Variants in CMTR1 observed in about 807,000 individuals in gnomAD.
CMTR1 encodes the protein cap-specific mRNA (nucleoside-2'-O-)-methyltransferase 1.
In CMTR1, 39 loss-of-function variants were observed where a neutral mutation model predicts 107.0. That is an observed-to-expected ratio of 0.36 (90% CI 0.28 to 0.48). CMTR1 has a LOEUF of 0.48. Ranked by LOEUF, CMTR1 falls within the 20% of genes least tolerant of loss-of-function variation. CMTR1 has a pLI of 0.99. For missense variants in CMTR1, 672 were observed against 1,064.9 expected (o/e 0.63, Z 5.14); for synonymous variants, 366 against 379.5 (o/e 0.96, Z 0.41).
At chr6:37,449,495 G>A (rs1448334082) in intron 4 of CMTR1, among the ~76,000 whole-genome samples, 1 of 152,068 alleles carries the variant, frequency 6.6e-6, no homozygotes, top group African/African-American at 2.4e-5. Flanking sequence ...TTTTAGTAGA[G>A]ACGGGGTTTC....
intron 2 of CMTR1, among the ~76,000 whole-genome samples, chr6:37,437,214 ATTT>A (rs34814443): frequency 7.1e-6 from 1 of 139,870 alleles, no homozygotes; most frequent in Non-Finnish European, 1.6e-5. Context: ...TTTTTGGGGG[ATTT>A]TTTTTTTTTT....
At chr6:37,476,658 C>T (rs1761744118) in intron 20 of CMTR1, among the ~76,000 whole-genome samples, 1 of 151,984 alleles carries the variant, frequency 6.6e-6, no homozygotes, top group East Asian at 1.9e-4. Flanking sequence ...TGGGAAAGTT[C>T]CAGGACCCTG....
rs1159924846 is a variant in CMTR1, at chr6:37,439,490, A to G, written c.133+3728A>G. 2.0e-5 allele frequency among the ~76,000 whole-genome samples: 3 copies of G among 152,186 alleles called. No individual in the cohort carries two copies. In the East Asian group the frequency reaches 5.8e-4, roughly 29 times the overall value. On this transcript the variant is annotated intron_variant, in intron 2 of 23. Coordinates refer to ENST00000373451, the MANE Select transcript of CMTR1 (RefSeq NM_015050.3). ...CATTAAAGGCGCCTTCCTCTCCACC[A>G]GGTTTAATTCTTTCCTAAATAGGCT...
chr6:37,439,822 C>CT (rs1771627288), intron 2 of CMTR1, among the ~76,000 whole-genome samples: 1 of 152,120 alleles, frequency 6.6e-6, no homozygotes, highest in Non-Finnish European at 1.5e-5. Context: ...TATTCTTTTT[C>CT]TTTTTTTAGT....
the CMTR1 span, among the ~76,000 whole-genome samples, chr6:37,428,030 G>C: frequency 3.5e-5 from 5 of 144,830 alleles, no homozygotes; most frequent in South Asian, 2.1e-4. Flanking sequence ...GAGAGAGAGA[G>C]AGAGAGAGAG....
chr6:37,442,523 A>G (rs1771696632), intron 2 of CMTR1, among the ~76,000 whole-genome samples: 2 of 152,230 alleles, frequency 1.3e-5, no homozygotes, highest in Non-Finnish European at 2.9e-5. Flanking sequence ...ACAGACTGTG[A>G]CATAGTTCCT....
intron 22 of CMTR1, 82 bp from the exon 23 acceptor site, chr6:37,479,065 C>T (rs1031824626): frequency 2.9e-5 from 27 of 938,774 alleles, no homozygotes; most frequent in South Asian, 5.6e-5. Context: ...ATAGGACCAC[C>T]GGGAGTGGAG....
chr6:37,451,996 T>C, intron 6 of CMTR1, 119 bp downstream of exon 6: 1 of 744,840 alleles, frequency 1.3e-6, no homozygotes, highest in Non-Finnish European at 2.3e-6. Context: ...TTGCTGGAGA[T>C]CAGATGCATA....
Position 37,458,893 on chromosome 6 carries a change from C to A in CMTR1, c.976+83C>A, listed in dbSNP as rs1761349723. The A allele has an allele frequency of 7.8e-7, 1 of 1,283,516 alleles. No individual in the cohort carries two copies. Among genetic ancestry groups the A allele is most frequent in the South Asian group, 1.3e-5 (1 of 77,850 alleles). The allele number at this position is 1,283,516 out of a possible 1,614,324, so 79.5% of individuals were successfully genotyped here. A position where few individuals can be genotyped will look rare whatever the true frequency, so the allele number is the denominator to read the frequency against. On this transcript the variant is annotated intron_variant, in intron 9 of 23. Coordinates refer to ENST00000373451, the MANE Select transcript of CMTR1 (RefSeq NM_015050.3). This position sits in a 1 kb window ranked among gnomAD's most constrained non-coding sequence, Gnocchi z 4.7. ...TCAGGTCAGAAGCAGTTGTTATCCA[C>A]ATGCCATATTTTCTTTCCTAGGTCT...
intron 19 of CMTR1, chr6:37,475,902 A>T: frequency 1.8e-6 from 1 of 560,156 alleles, no homozygotes; most frequent in South Asian, 2.0e-5. Context: ...ACCAACCGAC[A>T]TAGTGAAATT....
At chr6:37,425,832 T>C in the CMTR1 span, among the ~76,000 whole-genome samples, 2 of 152,234 alleles carry the variant, frequency 1.3e-5, no homozygotes, top group African/African-American at 4.8e-5. Context: ...AATTTGAATC[T>C]TTATATTCAT....
chr6:37,480,204 T>C lies in CMTR1; in HGVS notation c.*59T>C, dbSNP rs559331735. 982 of 1,589,136 alleles carry C rather than the reference T, an allele frequency of 6.2e-4. 5 individuals carry two copies. The highest frequency in any genetic ancestry group is 8.1e-4 in the Non-Finnish European group (947 of 1,171,210). ...CTGTCATTCCTGAGATGGGGCCACC[T>C]GGGGCCCACAGTGCTGGCTTCTTCC... is the stretch of plus-strand genomic sequence containing the variant. On this transcript the variant is annotated 3_prime_UTR_variant, in exon 24 of 24. Coordinates refer to ENST00000373451, the MANE Select transcript of CMTR1 (RefSeq NM_015050.3).
rs114521830 is a variant in CMTR1 at position 37,451,192 on chromosome 6, A to G, written c.538-614A>G. On this transcript the variant is annotated intron_variant, in intron 5 of 23. Coordinates refer to ENST00000373451, the MANE Select transcript of CMTR1 (RefSeq NM_015050.3). Reference sequence around the variant, plus strand: ...AATAATATAATTATTTGAATTCTAGATAATAGATTACCTGTCTATTATCTA... The same window carrying G: ...AATAATATAATTATTTGAATTCTAGGTAATAGATTACCTGTCTATTATCTA... 2.2e-3 allele frequency among the ~76,000 whole-genome samples: 330 copies of G among 152,304 alleles called. 4 individuals are homozygous for G. The highest frequency in any genetic ancestry group is 7.3e-3 in the African/African-American group (304 of 41,554).
intron 13 of CMTR1, among the ~76,000 whole-genome samples, chr6:37,468,754 G>C (rs560421153): frequency 6.6e-6 from 1 of 152,154 alleles, no homozygotes; most frequent in African/African-American, 2.4e-5. Flanking sequence ...ATGATGGCGG[G>C]TACCTGTAAT....
At chr6:37,459,959 C>G (rs898626103) in intron 10 of CMTR1, among the ~76,000 whole-genome samples, 2 of 152,196 alleles carry the variant, frequency 1.3e-5, no homozygotes, top group Non-Finnish European at 1.5e-5. Flanking sequence ...CTCTCATAGG[C>G]TGACAGATGG....
intron 11 of CMTR1, 26 bp downstream of exon 11, chr6:37,461,671 A>T: frequency 6.9e-7 from 1 of 1,442,830 alleles, no homozygotes; most frequent in Non-Finnish European, 9.5e-7. Context: ...CTGTCTCCTC[A>T]CCCCAGGACC....
chr6:37,433,511 CCCT>C (rs1771438871), intron 1 of CMTR1, 134 bp downstream of exon 1: 2 of 152,820 alleles, frequency 1.3e-5, no homozygotes, highest in Admixed American at 6.5e-5. Context: ...CTTATGTCTT[CCCT>C]CCTCCTCCCA....
chr6:37,469,924 T>C (rs895409213), intron 13 of CMTR1, among the ~76,000 whole-genome samples: 3 of 151,944 alleles, frequency 2.0e-5, no homozygotes, highest in Admixed American at 6.6e-5. Flanking sequence ...TGATCTGTTT[T>C]TTTTTTTCAC....
At chr6:37,448,250 C>T (rs1771850362) in intron 4 of CMTR1, among the ~76,000 whole-genome samples, 1 of 147,478 alleles carries the variant, frequency 6.8e-6, no homozygotes, top group Non-Finnish European at 1.5e-5. Context: ...TGTCAGTTGG[C>T]AGCCACTTCT....
Sources: gnomAD v4.1 joint callset for allele counts (sites outside exome capture counted in the v4.1 genomes callset) on GRCh38, gnomAD v4.1.1 for gene constraint, Gnocchi (gnomAD v3.1) non-coding constraint, MANE v1.5 for transcripts, NCBI Gene and HGNC (gene_info 2026-07-23, HGNC 2026-07-21) for gene names.